WDR41: variants seen among roughly 807,000 people sequenced by gnomAD.
WDR41 encodes WD repeat-containing protein 41.
Under a neutral mutation model 69.3 loss-of-function variants are expected in WDR41, and 63 were observed. The observed-to-expected ratio is 0.91, with a 90% CI of 0.74 to 1.12. The LOEUF is 1.12. WDR41 is among the 50% of genes most tolerant of loss of function. WDR41 has a pLI of 0.00. For missense variants in WDR41, 543 were observed against 534.5 expected (o/e 1.02, Z -0.16); for synonymous variants, 185 against 192.1 (o/e 0.96, Z 0.31).
At chr5:77,543,912 C>A (rs1459237536) in intron 1 of WDR41, among the ~76,000 whole-genome samples, 2 of 152,048 alleles carry the variant, frequency 1.3e-5, no homozygotes, top group East Asian at 3.9e-4. Flanking sequence ...GACAAAAGCA[C>A]CAGGTAACCC....
chr5:77,500,183 G>A (rs1474560874), intron 1 of WDR41, among the ~76,000 whole-genome samples: 1 of 152,086 alleles, frequency 6.6e-6, no homozygotes, highest in Non-Finnish European at 1.5e-5. Context: ...ATGCTGGCAT[G>A]GCAATTATAA....
intron 1 of WDR41, chr5:77,583,022 C>T (rs1743969765): frequency 1.3e-6 from 2 of 1,598,524 alleles, no homozygotes; most frequent in South Asian, 1.1e-5. Context: ...TTGTCTTCTC[C>T]ACGAGGTGGA....
At chr5:77,507,589 C>T (rs1802128270) in intron 1 of WDR41, among the ~76,000 whole-genome samples, 1 of 152,078 alleles carries the variant, frequency 6.6e-6, no homozygotes, top group African/African-American at 2.4e-5. Context: ...ATTATACTCT[C>T]GATATAAGTA....
intron 2 of WDR41, among the ~76,000 whole-genome samples, chr5:77,468,864 A>T (rs1800423682): frequency 6.6e-6 from 1 of 152,150 alleles, no homozygotes; most frequent in Admixed American, 6.5e-5. Flanking sequence ...AAGACGCAGG[A>T]TCTAAATAAG....
chr5:77,490,374 C>A (rs370906892), intron 1 of WDR41, among the ~76,000 whole-genome samples: 1 of 152,124 alleles, frequency 6.6e-6, no homozygotes, highest in Non-Finnish European at 1.5e-5. Flanking sequence ...CAAGGCATGA[C>A]AATCAAAAAT....
intron 1 of WDR41, among the ~76,000 whole-genome samples, chr5:77,609,521 A>T (rs2112337445): frequency 6.6e-6 from 1 of 152,328 alleles, no homozygotes; most frequent in Admixed American, 6.5e-5. Context: ...TTCTGCAGCC[A>T]CTGCTGCTGA....
intron 1 of WDR41, among the ~76,000 whole-genome samples, chr5:77,513,013 C>G (rs1802233590): frequency 1.3e-5 from 2 of 152,252 alleles, no homozygotes; most frequent in East Asian, 3.9e-4. Context: ...CCCCACCTGG[C>G]TGAAATCTGG....
At chr5:77,472,312 A>G (rs1347912203) in intron 2 of WDR41, among the ~76,000 whole-genome samples, 1 of 152,122 alleles carries the variant, frequency 6.6e-6, no homozygotes, top group Non-Finnish European at 1.5e-5. Context: ...CCCACAGCCA[A>G]TATCATACTG....
chr5:77,508,627 C>T (rs758983382), intron 1 of WDR41, among the ~76,000 whole-genome samples: 22 of 152,130 alleles, frequency 1.4e-4, no homozygotes, highest in Admixed American at 6.6e-5. Context: ...TCACACCTTC[C>T]TGTTTCATTG....
At chr5:77,513,711 C>T (rs991999648) in intron 1 of WDR41, among the ~76,000 whole-genome samples, 3 of 152,178 alleles carry the variant, frequency 2.0e-5, no homozygotes, top group African/African-American at 7.2e-5. Flanking sequence ...TTTCCAAAAA[C>T]AGTTAATCAT....
At chr5:77,506,431 T>C (rs1802109083) in intron 1 of WDR41, among the ~76,000 whole-genome samples, 1 of 152,224 alleles carries the variant, frequency 6.6e-6, no homozygotes. Flanking sequence ...GATTTTACAC[T>C]GTTGGTGGGA....
chr5:77,495,304 A>G (rs998487463), upstream of WDR41, among the ~76,000 whole-genome samples: 4 of 152,020 alleles, frequency 2.6e-5, no homozygotes, highest in African/African-American at 9.7e-5. Flanking sequence ...AAAATAGAGA[A>G]TAGAAAAAAT....
chr5:77,577,075 C>T (rs1174060613), intron 1 of WDR41, among the ~76,000 whole-genome samples: 1 of 152,120 alleles, frequency 6.6e-6, no homozygotes, highest in Non-Finnish European at 1.5e-5. Flanking sequence ...TTCTCCTCAG[C>T]CTAGCCACAA....
At chr5:77,526,528 T>A (rs946340581) in intron 1 of WDR41, among the ~76,000 whole-genome samples, 15 of 152,174 alleles carry the variant, frequency 9.9e-5, no homozygotes, top group African/African-American at 3.6e-4. Context: ...AAACTTCTAT[T>A]CTGAACTGGT....
At chr5:77,463,773 G>C (rs1421185453) in intron 3 of WDR41, among the ~76,000 whole-genome samples, 1 of 152,094 alleles carries the variant, frequency 6.6e-6, no homozygotes, top group African/African-American at 2.4e-5. Context: ...ATCAGTCTCT[G>C]ACTAATTTAC....
intron 1 of WDR41, among the ~76,000 whole-genome samples, chr5:77,603,931 A>G (rs1467938630): frequency 6.6e-6 from 1 of 152,164 alleles, no homozygotes; most frequent in African/African-American, 2.4e-5. Flanking sequence ...ACATTGGTGT[A>G]TATGTCTGTT....
chr5:77,613,446 G>C (rs1744607713), intron 1 of WDR41, among the ~76,000 whole-genome samples: 1 of 151,788 alleles, frequency 6.6e-6, no homozygotes, highest in Non-Finnish European at 1.5e-5. Context: ...CCAAAACAGA[G>C]ATATAGATCA....
chr5:77,567,570 G>A (rs1268534850), intron 1 of WDR41, among the ~76,000 whole-genome samples: 1 of 149,142 alleles, frequency 6.7e-6, no homozygotes, highest in Non-Finnish European at 1.5e-5. Context: ...TACAAACACT[G>A]CATCAACAGA....
intron 2 of WDR41, among the ~76,000 whole-genome samples, chr5:77,482,902 C>T (rs1801342366): frequency 6.6e-6 from 1 of 151,328 alleles, no homozygotes. Context: ...GGGAAAGTGC[C>T]CCCGGAACCT....
Sources: gnomAD v4.1 joint callset for allele counts (sites outside exome capture counted in the v4.1 genomes callset) on GRCh38, gnomAD v4.1.1 for gene constraint, MANE v1.5 for transcripts, NCBI Gene and HGNC (gene_info 2026-07-23, HGNC 2026-07-21) for gene names.